Variants in FAR2 observed in about 807,000 individuals in gnomAD.
The protein encoded by FAR2 is epididymis secretory protein Li 81.
Under a neutral mutation model 56.0 loss-of-function variants are expected in FAR2, and 19 were observed. That is an observed-to-expected ratio of 0.34 (90% CI 0.24 to 0.50). FAR2 has a LOEUF of 0.50. FAR2 is among the 20% of genes least tolerant of loss of function. The pLI is 0.98. For missense variants in FAR2, 508 were observed against 642.2 expected (o/e 0.79, Z 2.26); for synonymous variants, 219 against 218.8 (o/e 1.00, Z -0.01).
rs147763405 is a variant in FAR2 at position 29,177,321 on chromosome 12, A to G, written c.-39+27914A>G. Among the ~76,000 whole-genome samples, 80 of 152,332 alleles carry G rather than the reference A, an allele frequency of 5.3e-4. No homozygotes were observed. The East Asian group carries it at 0.014, about 27-fold the overall frequency. ...GATCTGTAGTTTCCAAATAATGTAC[A>G]GGGCAAAAAACAGAGCTGGCTCCAG... is the stretch of plus-strand genomic sequence containing the variant. On this transcript the variant is annotated intron_variant, in intron 1 of 11. Transcript: ENST00000536681.
chr12:29,256,069 A>T (rs1440515552), intron 1 of FAR2, among the ~76,000 whole-genome samples: 1 of 152,108 alleles, frequency 6.6e-6, no homozygotes, highest in African/African-American at 2.4e-5. Flanking sequence ...ACAGGGTTTC[A>T]TCATGTTAGC....
chr12:29,198,298 T>G (rs930706177), intron 1 of FAR2, among the ~76,000 whole-genome samples: 1 of 152,132 alleles, frequency 6.6e-6, no homozygotes, highest in Non-Finnish European at 1.5e-5. Flanking sequence ...GCATGATCTC[T>G]GCTCACTGCA....
chr12:29,240,276 C>A (rs1279301884), intron 1 of FAR2, among the ~76,000 whole-genome samples: 3 of 152,182 alleles, frequency 2.0e-5, no homozygotes, highest in Non-Finnish European at 2.9e-5. Context: ...GAGCTTACAC[C>A]TGCATTTCCA....
At chr12:29,212,815 G>A (rs1947567431) in intron 1 of FAR2, among the ~76,000 whole-genome samples, 1 of 152,152 alleles carries the variant, frequency 6.6e-6, no homozygotes, top group Non-Finnish European at 1.5e-5. Context: ...GTTTTTGCAG[G>A]AGCCAAACTT....
At position 29,168,147 on chromosome 12, in the gene FAR2, CAGTT is replaced by C. The variant is rs145690843; in HGVS notation, c.-39+18745_-39+18748del. On this transcript the variant is annotated intron_variant, in intron 1 of 11. Coordinates refer to ENST00000536681, the MANE Select transcript of FAR2 (RefSeq NM_001271783.2). Reference sequence around the variant, plus strand: ...AGATGCCAGGGAAGTCTTTCCTGCACAGTTAGTTTATCCCGCTTGAAACCAGAGG... The same window carrying C: ...AGATGCCAGGGAAGTCTTTCCTGCACAGTTTATCCCGCTTGAAACCAGAGG... Among the ~76,000 whole-genome samples, 1,072 of 152,242 alleles carry C rather than the reference CAGTT, an allele frequency of 7.0e-3. 6 individuals are homozygous for C. Among genetic ancestry groups the C allele is most frequent in the African/African-American group, 0.025 (1,029 of 41,518 alleles).
chr12:29,200,262 C>A (rs1947390046), intron 1 of FAR2, among the ~76,000 whole-genome samples: 1 of 152,148 alleles, frequency 6.6e-6, no homozygotes, highest in Admixed American at 6.5e-5. Flanking sequence ...TGGTGCTGGG[C>A]AGTACACAGC....
chr12:29,170,710 T>C (rs1211826362), intron 1 of FAR2, among the ~76,000 whole-genome samples: 1 of 151,444 alleles, frequency 6.6e-6, no homozygotes, highest in East Asian at 2.0e-4. Flanking sequence ...TTTCTGTCTC[T>C]TTCTCTGTCT....
At chr12:29,175,203 C>T (rs1181183415) in intron 1 of FAR2, among the ~76,000 whole-genome samples, 1 of 152,196 alleles carries the variant, frequency 6.6e-6, no homozygotes, top group African/African-American at 2.4e-5. Context: ...CTGATTGCCC[C>T]ATCTGGGTCA....
chr12:29,189,115 A>G (rs1409019928), intron 1 of FAR2, among the ~76,000 whole-genome samples: 3 of 152,088 alleles, frequency 2.0e-5, no homozygotes, highest in Non-Finnish European at 2.9e-5. Context: ...TTCAAGGAGA[A>G]GGGGGAAAGG....
In FAR2 at chr12:29,311,965, T is replaced by A; in HGVS notation, c.955+15T>A. The stretch of plus-strand genomic sequence containing the variant: ...GCACAAAATGGGTAAGTACTTTAGC[T>A]ATGTAACTCTATAATTACTAGTGTC... On this transcript the variant is annotated intron_variant, in intron 8 of 11. Transcript: ENST00000536681. The A allele has an allele frequency of 6.3e-7, 1 of 1,578,520 alleles. No individual in the cohort carries two copies. The highest frequency in any genetic ancestry group is 1.1e-5 in the South Asian group (1 of 89,104).
intron 1 of FAR2, among the ~76,000 whole-genome samples, chr12:29,248,032 T>C (rs192158502): frequency 2.0e-5 from 3 of 152,328 alleles, no homozygotes; most frequent in Admixed American, 6.5e-5. Context: ...TTCTAATACA[T>C]GTATTGTTAT....
At chr12:29,186,833 G>A (rs1024949937) in intron 1 of FAR2, among the ~76,000 whole-genome samples, 1 of 151,704 alleles carries the variant, frequency 6.6e-6, no homozygotes, top group African/African-American at 2.4e-5. Context: ...CTGTCGCCCA[G>A]GCTGGAGTGC....
At chr12:29,269,069 G>C (rs752124253) in intron 1 of FAR2, among the ~76,000 whole-genome samples, 3 of 152,170 alleles carry the variant, frequency 2.0e-5, no homozygotes, top group East Asian at 3.9e-4. Context: ...CTTATCAGGA[G>C]ACAGGATTTT....
intron 2 of FAR2, among the ~76,000 whole-genome samples, chr12:29,276,620 T>C (rs937090555): frequency 1.3e-5 from 2 of 152,208 alleles, no homozygotes; most frequent in Admixed American, 6.5e-5. Flanking sequence ...TGCTTCAGAA[T>C]ATAAGAATGC....
chr12:29,245,517 C>T (rs922702839), intron 1 of FAR2, among the ~76,000 whole-genome samples: 9 of 152,244 alleles, frequency 5.9e-5, no homozygotes, highest in African/African-American at 1.9e-4. Flanking sequence ...AATAAGTAAA[C>T]TTCCCAGATG....
chr12:29,287,989 A>T (rs1192343758), intron 2 of FAR2, among the ~76,000 whole-genome samples: 3 of 151,638 alleles, frequency 2.0e-5, no homozygotes, highest in Admixed American at 6.6e-5. Flanking sequence ...AACCAGACAA[A>T]TTTTTTTTTC....
chr12:29,230,583 G>C (rs1947842294), intron 1 of FAR2, among the ~76,000 whole-genome samples: 1 of 152,090 alleles, frequency 6.6e-6, no homozygotes, highest in South Asian at 2.1e-4. Context: ...GTGCTGCAAA[G>C]GTGAGGGCAG....
At chr12:29,239,440 T>C (rs533465213) in intron 1 of FAR2, among the ~76,000 whole-genome samples, 201 of 134,672 alleles carry the variant, frequency 1.5e-3, no homozygotes, top group African/African-American at 5.4e-3. Flanking sequence ...GTGCCACAGC[T>C]AAATGAATCA....
At chr12:29,184,261 A>C (rs1247143851) in intron 1 of FAR2, among the ~76,000 whole-genome samples, 1 of 152,130 alleles carries the variant, frequency 6.6e-6, no homozygotes, top group Non-Finnish European at 1.5e-5. Context: ...AGATTAGGTC[A>C]GGCTTTAAAT....
Sources: allele counts gnomAD v4.1 joint callset (sites outside exome capture counted in the v4.1 genomes callset), GRCh38; gene constraint gnomAD v4.1.1; transcripts MANE v1.5; gene names NCBI Gene and HGNC (gene_info 2026-07-23, HGNC 2026-07-21).